CEP78: variants seen among roughly 807,000 people sequenced by gnomAD.
CEP78 encodes centrosomal protein of 78 kDa.
In CEP78, 76 loss-of-function variants were observed where a neutral mutation model predicts 81.2. The ratio of observed to expected loss-of-function variants is 0.94; its 90% confidence interval spans 0.78 to 1.13. The LOEUF (loss-of-function observed/expected upper bound fraction) is 1.13, where lower values mean the gene tolerates loss of function less well. CEP78 is among the 50% of genes most tolerant of loss of function. The pLI is 0.00. For synonymous variants in CEP78, 293 were observed against 301.4 expected, an observed-to-expected ratio of 0.97 and a Z score of 0.29; for missense variants, 918 against 846.8, an observed-to-expected ratio of 1.08 and a Z score of -1.04.
chr9:78,236,969 CTTTTTTTTTTTTTTTTTT>C lies in CEP78; in HGVS notation c.253+378_253+395del, dbSNP rs71360676. Among the ~76,000 whole-genome samples the C allele has an allele frequency of 4.8e-5, 3 of 62,090 alleles. 1 individual carries two copies. The highest frequency in any genetic ancestry group is 8.8e-5 in the Non-Finnish European group (3 of 33,990). 40.7% of individuals were successfully genotyped at this position (62,090 alleles called of 152,430 possible). On this transcript the variant is annotated intron_variant, in intron 1 of 16. Transcript: ENST00000643273. ...GAAATTAATACATGTCAGCCTTTGT[CTTTTTTTTTTTTTTTTTT>C]TTTTTTTTTTTGAGACACTGTTTCA...
chr9:78,250,536 G>A (rs534814514), intron 8 of CEP78: 63 of 220,476 alleles, frequency 2.9e-4, no homozygotes, highest in Non-Finnish European at 5.4e-4. Context: ...CTCAGGAGTT[G>A]GAGACCAGCC....
Position 78,275,606 on chromosome 9 carries a change from CAA to C in CEP78, c.*4773_*4774del, listed in dbSNP as rs1188633102. 4.4e-4 allele frequency: 30 copies of C among 68,138 alleles called. No individual in the cohort carries two copies. The highest frequency in any genetic ancestry group is 3.1e-4 in the Admixed American group (2 of 6,530). 4.2% of individuals were successfully genotyped at this position (68,138 alleles called of 1,614,324 possible). A position where few individuals can be genotyped will look rare whatever the true frequency, so the allele number is the denominator to read the frequency against. On this transcript the variant is annotated 3_prime_UTR_variant, in exon 17 of 17. Transcript: ENST00000643273. ...GGAGACAAGAGGGAAACTCTGTCTC[CAA>C]AAAAAAAAAAAAAAAAATACAGTTA...
In CEP78 at chr9:78,276,897, C is replaced by T. The variant is rs1827815859; in HGVS notation, c.*6046C>T. ...AAGCTTTTTAAATGGATGTAATAAC[C>T]TGATTATAACATTAATCTGAAAGTC... On this transcript the variant is annotated 3_prime_UTR_variant, in exon 17 of 17. Coordinates refer to ENST00000643273, the MANE Select transcript of CEP78 (RefSeq NM_001330691.3). 1 of 151,762 alleles carries T rather than the reference C, an allele frequency of 6.6e-6. No homozygotes were observed. The highest frequency in any genetic ancestry group is 2.4e-5 in the African/African-American group (1 of 41,288). 9.4% of individuals were successfully genotyped at this position (151,762 alleles called of 1,614,324 possible).
At chr9:78,250,982 A>T (rs994053710) in intron 8 of CEP78, among the ~76,000 whole-genome samples, 16 of 152,304 alleles carry the variant, frequency 1.1e-4, no homozygotes, top group African/African-American at 3.8e-4. Context: ...TGCTGTCCTA[A>T]AGCTGCTAAA....
chr9:78,264,036 T>A (rs1827397195), intron 12 of CEP78, 114 bp from the exon 13 acceptor site: 1 of 735,844 alleles, frequency 1.4e-6, no homozygotes, highest in Non-Finnish European at 2.0e-6. Context: ...GGTAGAGAGT[T>A]AGATTAACTG....
At chr9:78,267,189 C>T (rs752862240) in intron 16 of CEP78, 1 of 507,312 alleles carries the variant, frequency 2.0e-6, no homozygotes. Context: ...AACATTGATT[C>T]AGCAATTGTT....
In CEP78 at chr9:78,271,454, A is replaced by T. The variant is rs754244357; in HGVS notation, c.*603A>T. On this transcript the variant is annotated 3_prime_UTR_variant, in exon 17 of 17. Transcript: ENST00000643273. ...AGCAATTCATAAAGATACTGTGTTC[A>T]TAAAGAATAGGATGCCATGAAAAAA... The T allele has an allele frequency of 6.6e-6, 1 of 152,236 alleles. No individual in the cohort carries two copies. Among genetic ancestry groups the T allele is most frequent in the Non-Finnish European group, 1.5e-5 (1 of 68,040 alleles). The allele number at this position is 152,236 out of a possible 1,614,324, so 9.4% of individuals were successfully genotyped here. A position where few individuals can be genotyped will look rare whatever the true frequency, so the allele number is the denominator to read the frequency against.
rs749710371 is a variant in CEP78 at position 78,254,916 on chromosome 9, T to G, written c.1332T>G (p.Ser444Arg). The G allele has an allele frequency of 6.2e-7, 1 of 1,611,396 alleles. No homozygotes were observed. The highest frequency in any genetic ancestry group is 1.1e-5 in the South Asian group (1 of 90,964). Residue 444 changes from serine to arginine, a missense_variant, in exon 11 of 17, where the codon AGT (serine) becomes AGG (arginine). Ser to Arg is a moderately radical substitution (Grantham distance 110). Transcript: ENST00000643273. ...EVEEVDDSSE[S>R]VHEVPEKTSI... ...AAGAGGTTGATGATTCTTCAGAGAG[T>G]GTTCATGAAGTGCCTGAGAAAACTA...
At chr9:78,250,712 C>T (rs1189186840) in intron 8 of CEP78, among the ~76,000 whole-genome samples, 1 of 152,088 alleles carries the variant, frequency 6.6e-6, no homozygotes, top group African/African-American at 2.4e-5. Flanking sequence ...GCACTCCAGC[C>T]TGGGCGACAG....
rs1826785407 is a variant in CEP78, at chr9:78,251,967, T to C, written c.1129T>C (p.Tyr377His). Reference sequence around the variant, plus strand: ...AAAACACTCCCTTGGTAAAGAATATTATGCGCCCGCACCTCTTCCACCTGG... The same window carrying C: ...AAAACACTCCCTTGGTAAAGAATATCATGCGCCCGCACCTCTTCCACCTGG... Reference protein sequence around the residue: ...GRKHSLGKEYYAPAPLPPGVS... With the variant: ...GRKHSLGKEYHAPAPLPPGVS... The change falls in exon 9 of 17, where the codon TAT becomes CAT. Residue 377 changes from tyrosine to histidine, a missense_variant. Transcript: ENST00000643273. 2 of 1,608,906 alleles carry C rather than the reference T, an allele frequency of 1.2e-6. No homozygotes were observed. The highest frequency in any genetic ancestry group is 8.5e-7 in the Non-Finnish European group (1 of 1,176,560).
intron 5 of CEP78, among the ~76,000 whole-genome samples, chr9:78,246,084 T>C (rs1201666936): frequency 6.6e-6 from 1 of 152,240 alleles, no homozygotes; most frequent in East Asian, 1.9e-4. Flanking sequence ...TGTAGAGTTA[T>C]TTTTCAACTC....
At position 78,241,702 on chromosome 9, in the gene CEP78, G is replaced by T. The variant is rs1826237676; in HGVS notation, c.506G>T (p.Cys169Phe). ...GTTTTTTTTTCCATTTTAGTTATTT[G>T]TCAAGGTATAAAGAGCTCTATCACT... The part of the protein sequence containing the change: ...PIGDGGLEII[C>F]QGIKSSITLK... The change falls in exon 4 of 17, where the codon TGT becomes TTT. Residue 169 changes from cysteine to phenylalanine, a missense_variant. Physicochemically the swap from Cys to Phe is radical, Grantham distance 205 (BLOSUM62 -2). Transcript: ENST00000643273. 9.2e-6 allele frequency: 14 copies of T among 1,524,398 alleles called. No individual in the cohort carries two copies. The highest frequency in any genetic ancestry group is 1.3e-5 in the Non-Finnish European group (14 of 1,113,330). 94.4% of individuals were successfully genotyped at this position (1,524,398 alleles called of 1,614,324 possible).
At chr9:78,265,770 G>C in intron 14 of CEP78, 89 bp from the exon 15 acceptor site, 1 of 791,500 alleles carries the variant, frequency 1.3e-6, no homozygotes, top group South Asian at 1.6e-5. Flanking sequence ...ATTTAAAGTA[G>C]ACTATCCTCA....
At position 78,269,943 on chromosome 9, in the gene CEP78, C is replaced by A. The variant is rs115210650; in HGVS notation, c.2108-898C>A. Among the ~76,000 whole-genome samples, 752 of 152,270 alleles carry A rather than the reference C, an allele frequency of 4.9e-3. 6 individuals are homozygous for A. The highest frequency in any genetic ancestry group is 0.017 in the African/African-American group (720 of 41,542). On this transcript the variant is annotated intron_variant, in intron 16 of 16. Coordinates refer to ENST00000643273, the MANE Select transcript of CEP78 (RefSeq NM_001330691.3). ...TTAATGTTCTTAAGACTAAAAGAAA[C>A]AGATCTGAACAGATGGGGATGTACA... is the stretch of plus-strand genomic sequence containing the variant.
chr9:78,245,706 T>A (rs558550362), intron 5 of CEP78, among the ~76,000 whole-genome samples: 2 of 152,346 alleles, frequency 1.3e-5, no homozygotes, highest in South Asian at 4.1e-4. Flanking sequence ...GTATTACTAG[T>A]ATTCATGAGC....
Position 78,236,130 on chromosome 9 carries a change from G to C in CEP78, c.-221G>C, listed in dbSNP as rs1825912563. On this transcript the variant is annotated 5_prime_UTR_variant, in exon 1 of 17. Transcript: ENST00000643273. ...GAGGCGGGCGCCAACTGCTTGGGCCGCAGGGCGGGAGGCAGCGCGGGAGTG... is the reference window on the plus strand; with the variant it reads ...GAGGCGGGCGCCAACTGCTTGGGCCCCAGGGCGGGAGGCAGCGCGGGAGTG... The C allele has an allele frequency of 3.3e-5, 18 of 541,568 alleles. No individual in the cohort carries two copies. The East Asian group carries it at 6.1e-4, about 18-fold the overall frequency. 33.5% of individuals were successfully genotyped at this position (541,568 alleles called of 1,614,324 possible).
chr9:78,239,099 G>A (rs867197768), intron 1 of CEP78, among the ~76,000 whole-genome samples: 12 of 151,642 alleles, frequency 7.9e-5, no homozygotes, highest in Admixed American at 1.3e-4. Context: ...ATTTTGCACT[G>A]AATGTAAGAA....
chr9:78,278,519 A>G lies in CEP78; in HGVS notation c.*7668A>G, dbSNP rs897577521. The G allele has an allele frequency of 1.3e-5, 2 of 152,214 alleles. No individual in the cohort carries two copies. Among genetic ancestry groups the G allele is most frequent in the African/African-American group, 2.4e-5 (1 of 41,462 alleles). The allele number at this position is 152,214 out of a possible 1,614,324, so 9.4% of individuals were successfully genotyped here. On this transcript the variant is annotated 3_prime_UTR_variant, in exon 17 of 17. Coordinates refer to ENST00000643273, the MANE Select transcript of CEP78 (RefSeq NM_001330691.3). ...AACTCTGATTGTACTTCTAGTGACT[A>G]ATTCATGTTCTGTTCTATTCCTTGC...
intron 13 of CEP78, among the ~76,000 whole-genome samples, chr9:78,264,645 T>TA (rs34285580): frequency 0.2 from 23,691 of 119,126 alleles, 2,762 homozygotes; most frequent in East Asian, 0.3. Context: ...GCCCATCTCT[T>TA]AAAAAAAAAA....
Sources: gnomAD v4.1 joint callset for allele counts (sites outside exome capture counted in the v4.1 genomes callset) on GRCh38, gnomAD v4.1.1 for gene constraint, MANE v1.5 for transcripts, NCBI Gene and HGNC (gene_info 2026-07-23, HGNC 2026-07-21) for gene names.